Variants in PRDM10 observed in about 807,000 individuals in gnomAD.
PRDM10 encodes PR/SET domain 10.
A neutral mutation model predicts 133.1 loss-of-function variants in PRDM10; 65 were observed. The ratio of observed to expected loss-of-function variants is 0.49; its 90% confidence interval spans 0.40 to 0.60. The LOEUF is 0.60. Among genes scored for constraint, PRDM10 ranks in the 20% least tolerant of loss-of-function variants. The pLI is 0.00. For missense variants in PRDM10, 1,137 were observed against 1,507.1 expected, an observed-to-expected ratio of 0.75 and a Z score of 4.07; for synonymous variants, 582 against 580.4, an observed-to-expected ratio of 1.00 and a Z score of -0.04.
chr11:129,996,350 C>A (rs1347246718), intron 1 of PRDM10, among the ~76,000 whole-genome samples: 1 of 152,220 alleles, frequency 6.6e-6, no homozygotes, highest in African/African-American at 2.4e-5. Context: ...AGGCGGCAGA[C>A]ACCTGTTTTT....
intron 1 of PRDM10, among the ~76,000 whole-genome samples, chr11:129,972,323 G>A (rs1247619749): frequency 6.6e-6 from 1 of 152,258 alleles, no homozygotes; most frequent in Non-Finnish European, 1.5e-5. Context: ...TGGGAACCCA[G>A]GCAGAGGAGG....
At chr11:129,934,178 T>C (rs1049702620) in intron 9 of PRDM10, among the ~76,000 whole-genome samples, 3 of 152,250 alleles carry the variant, frequency 2.0e-5, no homozygotes, top group African/African-American at 7.2e-5. Flanking sequence ...ATTCCCTGCC[T>C]GCTCTGCACC....
At chr11:129,985,803 AAAAAAAATATATAT>A in intron 1 of PRDM10, among the ~76,000 whole-genome samples, 1 of 110,834 alleles carries the variant, frequency 9.0e-6, no homozygotes, top group East Asian at 4.8e-4. Context: ...AAAAAAAAAA[AAAAAAAATATATAT>A]ATATATATAT....
At chr11:129,908,214 G>A (rs1035141109) in intron 19 of PRDM10, among the ~76,000 whole-genome samples, 3 of 151,764 alleles carry the variant, frequency 2.0e-5, no homozygotes, top group Non-Finnish European at 4.4e-5. Flanking sequence ...GCTTATGCCT[G>A]TAATACCAGC....
chr11:129,990,769 G>C (rs977123268), intron 1 of PRDM10, among the ~76,000 whole-genome samples: 1 of 151,992 alleles, frequency 6.6e-6, no homozygotes, highest in Non-Finnish European at 1.5e-5. Flanking sequence ...CACTATGCCC[G>C]GGTCCTCACT....
rs575651427 is a variant in PRDM10, at chr11:129,906,329, A to C, written c.3164-588T>G. Reference sequence around the variant, plus strand: ...TCTTCCCAGCACACAAGACGTGACGAAAGGCTATCGAGGCATGTGAGAATA... The same window carrying C: ...TCTTCCCAGCACACAAGACGTGACGCAAGGCTATCGAGGCATGTGAGAATA... On this transcript the variant is annotated intron_variant, in intron 19 of 20. Transcript: ENST00000360871. 5.3e-5 allele frequency among the ~76,000 whole-genome samples: 8 copies of C among 152,322 alleles called. No homozygotes were observed. The South Asian group carries it at 1.7e-3, about 32-fold the overall frequency.
intron 6 of PRDM10, among the ~76,000 whole-genome samples, chr11:129,944,332 C>T (rs1215506606): frequency 2.0e-5 from 3 of 152,166 alleles, no homozygotes; most frequent in South Asian, 2.1e-4. Flanking sequence ...CGGTGGCTCA[C>T]GCCTGTAATC....
chr11:129,903,159 G>A (rs1733451), intron 20 of PRDM10, among the ~76,000 whole-genome samples: 19,690 of 151,826 alleles, frequency 0.13, 1,338 homozygotes, highest in Middle Eastern at 0.16. Context: ...TTAGCCGGGC[G>A]TGGTGGTACA....
At chr11:129,953,121 G>C (rs1276528972) in intron 4 of PRDM10, among the ~76,000 whole-genome samples, 1 of 151,616 alleles carries the variant, frequency 6.6e-6, no homozygotes, top group Non-Finnish European at 1.5e-5. Context: ...AGGATTACAG[G>C]TGCCCACCAC....
chr11:129,970,147 A>G (rs1951987321), intron 1 of PRDM10, among the ~76,000 whole-genome samples: 2 of 152,244 alleles, frequency 1.3e-5, no homozygotes, highest in African/African-American at 4.8e-5. Context: ...AATAGCTGAC[A>G]TGTTATGTTA....
Position 129,912,188 on chromosome 11 carries a change from T to A in PRDM10, c.2879A>T (p.Asp960Val). The A allele has an allele frequency of 1.2e-6, 2 of 1,609,470 alleles. No homozygotes were observed. Among genetic ancestry groups the A allele is most frequent in the South Asian group, 1.1e-5 (1 of 90,682 alleles). The stretch of plus-strand genomic sequence containing the variant: ...CTGAGGATCATGGAGCTGGCCAACA[T>A]CCACAGTGGACTGCTGTGACTGGTG... ...SPHQSQQSTV[D>V]VGQLHDPQPY... Residue 960 changes from aspartate to valine, a missense_variant, in exon 18 of 21, where the codon GAT (aspartate) becomes GTT (valine). Asp to Val is a radical substitution (Grantham distance 152). Around this residue, in one of 6 missense-constraint regions of PRDM10, gnomAD observed 243 missense variants for 259.2 expected, o/e 0.94. Transcript: ENST00000360871.
intron 18 of PRDM10, among the ~76,000 whole-genome samples, 172 bp from the exon 19 acceptor site, chr11:129,910,828 G>A (rs927736278): frequency 6.6e-6 from 1 of 152,100 alleles, no homozygotes; most frequent in African/African-American, 2.4e-5. Context: ...CCAGGCTGGA[G>A]TGCAACGGCA....
chr11:129,964,422 G>A (rs573736674), intron 1 of PRDM10, among the ~76,000 whole-genome samples: 13 of 152,180 alleles, frequency 8.5e-5, no homozygotes, highest in Non-Finnish European at 1.3e-4. Context: ...TGCCCTAGCC[G>A]TTCCTCAGAA....
At chr11:129,911,569 T>C (rs188554682) in intron 18 of PRDM10, among the ~76,000 whole-genome samples, 34 of 152,346 alleles carry the variant, frequency 2.2e-4, no homozygotes, top group African/African-American at 7.9e-4. Flanking sequence ...CATTGCAGCA[T>C]GAGCTTCTTC....
intron 10 of PRDM10, among the ~76,000 whole-genome samples, chr11:129,931,576 A>T (rs12286849): frequency 0.3 from 43,293 of 142,318 alleles, 6,798 homozygotes; most frequent in African/African-American, 0.33. Flanking sequence ...ATTTTATTTT[A>T]TTTTTTTTTT....
chr11:129,940,239 T>A (rs1951163705), intron 7 of PRDM10, among the ~76,000 whole-genome samples: 1 of 152,170 alleles, frequency 6.6e-6, no homozygotes, highest in Non-Finnish European at 1.5e-5. Flanking sequence ...ATAGGTAGCT[T>A]TTTTTCTTAA....
chr11:129,981,019 G>A (rs34576118), intron 1 of PRDM10, among the ~76,000 whole-genome samples: 11,854 of 151,768 alleles, frequency 0.078, 829 homozygotes, highest in East Asian at 0.36. Context: ...TTACAGGCAC[G>A]CACCACTAGG....
In PRDM10 at chr11:129,995,290, G is replaced by A. The variant is rs1020512696; in HGVS notation, c.-119+7432C>T. 3.9e-5 allele frequency among the ~76,000 whole-genome samples: 6 copies of A among 152,286 alleles called. No individual in the cohort carries two copies. The South Asian group carries it at 1.2e-3, about 32-fold the overall frequency. ...TAATATACATCCCCTGCCTGGGGCT[G>A]AGGATACAGACCCTTTTCTCCCATG... On this transcript the variant is annotated intron_variant, in intron 1 of 20. Coordinates refer to ENST00000360871, the MANE Select transcript of PRDM10 (RefSeq NM_199437.2).
At position 129,930,979 on chromosome 11, in the gene PRDM10, C is replaced by T. The variant is rs114842020; in HGVS notation, c.1530+37G>A. ...GAGCTGGTGGTGGGAGGAAGATGAG[C>T]GGCTGGTGCCAGGAGCCGCCGGCTT... On this transcript the variant is annotated intron_variant, in intron 11 of 20. Transcript: ENST00000360871. 1.2e-3 allele frequency: 1,836 copies of T among 1,560,846 alleles called. 12 individuals carry two copies. The African/African-American group carries it at 0.022, about 18-fold the overall frequency.
Sources: allele counts gnomAD v4.1 joint callset (sites outside exome capture counted in the v4.1 genomes callset), GRCh38; gene constraint gnomAD v4.1.1; regional missense constraint gnomAD v4.1.1; transcripts MANE v1.5; gene names NCBI Gene and HGNC (gene_info 2026-07-23, HGNC 2026-07-21).